Variants in SLCO5A1 observed in about 807,000 individuals in gnomAD.
SLCO5A1 encodes the protein organic anion transporter polypeptide-related protein 4.
SLCO5A1 carries 39 observed loss-of-function variants against 65.1 expected under a neutral mutation model. The observed-to-expected ratio is 0.60, with a 90% CI of 0.46 to 0.78. The LOEUF is 0.78. Ranked by LOEUF, SLCO5A1 falls within the 30% of genes least tolerant of loss-of-function variation. The pLI is 0.00. For missense variants in SLCO5A1, 1,029 were observed against 1,069.4 expected, an observed-to-expected ratio of 0.96 and a Z score of 0.53; for synonymous variants, 438 against 415.7, an observed-to-expected ratio of 1.05 and a Z score of -0.65.
intron 4 of SLCO5A1, among the ~76,000 whole-genome samples, chr8:69,749,510 C>T (rs1215675007): frequency 6.6e-6 from 1 of 151,878 alleles, no homozygotes; most frequent in African/African-American, 2.4e-5. Flanking sequence ...CCCAACTACT[C>T]AGGAGGCTGA....
chr8:69,773,847 A>C (rs1354403537), intron 2 of SLCO5A1, among the ~76,000 whole-genome samples: 1 of 151,742 alleles, frequency 6.6e-6, no homozygotes, highest in African/African-American at 2.4e-5. Flanking sequence ...TGGCTCACTC[A>C]CTCCCTTACT....
intron 4 of SLCO5A1, among the ~76,000 whole-genome samples, chr8:69,750,643 C>T (rs1289419340): frequency 2.0e-5 from 3 of 152,184 alleles, no homozygotes; most frequent in Non-Finnish European, 4.4e-5. Context: ...CTGACACCCG[C>T]CTCCACCTAC....
chr8:69,784,930 G>GAAAGAAAGAAAGAA (rs1554620921), intron 2 of SLCO5A1, among the ~76,000 whole-genome samples: 3 of 113,780 alleles, frequency 2.6e-5, no homozygotes, highest in African/African-American at 1.0e-4. Flanking sequence ...AAGAAAGAAA[G>GAAAGAAAGAAAGAA]AAAGAAAGAA....
At chr8:69,790,449 T>TAA (rs1393394010) in intron 2 of SLCO5A1, among the ~76,000 whole-genome samples, 1 of 151,932 alleles carries the variant, frequency 6.6e-6, no homozygotes, top group South Asian at 2.1e-4. Context: ...ACCTAAACAC[T>TAA]TAATATCCCT....
chr8:69,831,730 T>C (rs769724122), intron 2 of SLCO5A1, 37 bp downstream of exon 2: 1 of 1,563,026 alleles, frequency 6.4e-7, no homozygotes, highest in South Asian at 1.2e-5. Context: ...AGTTTCAGTG[T>C]GAGTGAAACA....
chr8:69,763,690 T>G (rs1182877011), intron 2 of SLCO5A1, among the ~76,000 whole-genome samples: 1 of 149,752 alleles, frequency 6.7e-6, no homozygotes, highest in African/African-American at 2.4e-5. Context: ...TTAGCATTCC[T>G]TTAATTTTTT....
chr8:69,834,086 C>CCACACACACACACA (rs60625289), intron 1 of SLCO5A1: 4 of 144,434 alleles, frequency 2.8e-5, no homozygotes, highest in African/African-American at 1.0e-4. Flanking sequence ...GCGTGCGCGG[C>CCACACACACACACA]CACACACACA....
chr8:69,669,889 C>T lies in SLCO5A1; in HGVS notation c.*2980G>A, dbSNP rs1168377891. On this transcript the variant is annotated 3_prime_UTR_variant, in exon 10 of 10. Transcript: ENST00000260126. ...AATGAATGATGATGTATATTAAGTG[C>T]TTGTCAAAATGCTCTACAAATCGTC... The T allele has an allele frequency of 2.0e-5, 3 of 151,950 alleles. No individual in the cohort carries two copies. Among genetic ancestry groups the T allele is most frequent in the Admixed American group, 2.0e-4 (3 of 15,248 alleles). The allele number at this position is 151,950 out of a possible 1,614,324, so 9.4% of individuals were successfully genotyped here.
chr8:69,762,174 CTTTCTTTCTT>C (rs1817818104), intron 2 of SLCO5A1, among the ~76,000 whole-genome samples: 18 of 67,268 alleles, frequency 2.7e-4, no homozygotes, highest in South Asian at 1.8e-3. Context: ...TTCTTTCTTT[CTTTCTTTCTT>C]TCTTTCTTTC....
intron 2 of SLCO5A1, among the ~76,000 whole-genome samples, chr8:69,774,065 A>G (rs1818458344): frequency 6.6e-6 from 1 of 152,226 alleles, no homozygotes; most frequent in Non-Finnish European, 1.5e-5. Flanking sequence ...GAGAACAAGG[A>G]CTGTTTTTCT....
intron 2 of SLCO5A1, among the ~76,000 whole-genome samples, chr8:69,830,896 T>G (rs1047122115): frequency 2.6e-5 from 4 of 152,230 alleles, no homozygotes; most frequent in Non-Finnish European, 5.9e-5. Flanking sequence ...TAGCTTTGGA[T>G]AAACCTTATA....
intron 2 of SLCO5A1, among the ~76,000 whole-genome samples, chr8:69,781,362 C>T (rs1222732757): frequency 3.3e-5 from 5 of 152,212 alleles, no homozygotes; most frequent in African/African-American, 4.8e-5. Flanking sequence ...TTTAGGACAC[C>T]TTTAACACTA....
intron 2 of SLCO5A1, among the ~76,000 whole-genome samples, chr8:69,765,602 A>G (rs1270968423): frequency 6.6e-6 from 1 of 152,070 alleles, no homozygotes; most frequent in Non-Finnish European, 1.5e-5. Flanking sequence ...AACCCGTACC[A>G]CTCAACTCTT....
intron 5 of SLCO5A1, among the ~76,000 whole-genome samples, chr8:69,724,247 AAAT>A (rs778275611): frequency 2.0e-5 from 3 of 152,218 alleles, no homozygotes; most frequent in Non-Finnish European, 4.4e-5. Flanking sequence ...AGATATTGCT[AAAT>A]AATATCTTCT....
chr8:69,770,318 G>A (rs936800940), intron 2 of SLCO5A1, among the ~76,000 whole-genome samples: 2 of 152,110 alleles, frequency 1.3e-5, no homozygotes, highest in African/African-American at 2.4e-5. Flanking sequence ...ATCCCGGCCC[G>A]GCACGGTATC....
At chr8:69,702,553 C>T (rs1305830624) in intron 6 of SLCO5A1, among the ~76,000 whole-genome samples, 1 of 152,020 alleles carries the variant, frequency 6.6e-6, no homozygotes, top group Non-Finnish European at 1.5e-5. Context: ...AGAAAAATAA[C>T]TCCCAGGACA....
At chr8:69,784,901 A>G (rs1328082301) in intron 2 of SLCO5A1, among the ~76,000 whole-genome samples, 1 of 56,074 alleles carries the variant, frequency 1.8e-5, no homozygotes, top group African/African-American at 1.1e-4. Context: ...AAAGGAAGAA[A>G]GAAAGAAAGA....
chr8:69,823,504 C>G (rs1236192172), intron 2 of SLCO5A1, among the ~76,000 whole-genome samples: 1 of 152,094 alleles, frequency 6.6e-6, no homozygotes, highest in East Asian at 1.9e-4. Context: ...GACTTTAAAC[C>G]AGCAAAGATC....
intron 5 of SLCO5A1, among the ~76,000 whole-genome samples, chr8:69,726,359 G>A (rs1816074259): frequency 1.3e-5 from 2 of 152,110 alleles, no homozygotes; most frequent in African/African-American, 4.8e-5. Flanking sequence ...CACCGATTCA[G>A]CTGATACACG....
Sources: gnomAD v4.1 joint callset for allele counts (sites outside exome capture counted in the v4.1 genomes callset) on GRCh38, gnomAD v4.1.1 for gene constraint, MANE v1.5 for transcripts, NCBI Gene and HGNC (gene_info 2026-07-23, HGNC 2026-07-21) for gene names.